The following CACNA1I variants were observed in gnomAD, a reference collection of about 807,000 sequenced individuals.
CACNA1I encodes calcium voltage-gated channel subunit alpha1 I, also known as voltage-dependent T-type calcium channel subunit alpha-1I.
Under a neutral mutation model 201.6 loss-of-function variants are expected in CACNA1I, and 74 were observed. The observed-to-expected ratio is 0.37, with a 90% CI of 0.30 to 0.45. CACNA1I has a LOEUF of 0.45. Among genes scored for constraint, CACNA1I ranks in the 20% least tolerant of loss-of-function variants. CACNA1I has a pLI of 1.00. For synonymous variants in CACNA1I, 1,431 were observed against 1,345.2 expected (o/e 1.06, Z -1.40); for missense variants, 2,346 against 3,138.1 (o/e 0.75, Z 6.03).
rs1399088025 is a variant in CACNA1I at position 39,689,727 on chromosome 22, AT to A, written c.*3325del. 1 of 152,720 alleles carries A rather than the reference AT, an allele frequency of 6.5e-6. No homozygotes were observed. Among genetic ancestry groups the A allele is most frequent in the Non-Finnish European group, 1.5e-5 (1 of 68,076 alleles). 9.5% of individuals were successfully genotyped at this position (152,720 alleles called of 1,614,324 possible). A position where few individuals can be genotyped will look rare whatever the true frequency, so the allele number is the denominator to read the frequency against. The stretch of plus-strand genomic sequence containing the variant: ...GTTTTGAATAAAAGCCCAGAAGCCT[AT>A]TTAAGAATTTCTCCGTGTGTCTCTG... On this transcript the variant is annotated 3_prime_UTR_variant, in exon 37 of 37. Transcript: ENST00000402142.
intron 5 of CACNA1I, among the ~76,000 whole-genome samples, chr22:39,638,886 T>C (rs1934287629): frequency 6.6e-6 from 1 of 152,172 alleles, no homozygotes; most frequent in South Asian, 2.1e-4. Flanking sequence ...CCTAGATCTC[T>C]TGAGTGTGAA....
Position 39,647,862 on chromosome 22 carries a change from C to G in CACNA1I, c.1503C>G (p.Leu501=). 6.2e-7 allele frequency: 1 copy of G among 1,613,400 alleles called. No individual in the cohort carries two copies. Residue 501 remains leucine (L), a synonymous_variant, in exon 9 of 37, where the codon CTC becomes CTG. Transcript: ENST00000402142. ...GTCAGGGAGATGAAGGGAGACATCT[C>G]GGAAGCCGGCATTGCCAGACTTTGC... The part of the protein sequence containing the change: ...TKGQGDEGRH[L]GSRHCQTLHG...
intron 3 of CACNA1I, among the ~76,000 whole-genome samples, chr22:39,614,986 G>A (rs1347904776): frequency 2.6e-5 from 4 of 152,214 alleles, no homozygotes; most frequent in Non-Finnish European, 2.9e-5. Flanking sequence ...CTGAAGTTGC[G>A]TGAGAAAGTA....
chr22:39,601,827 T>C (rs1221799423), intron 3 of CACNA1I, among the ~76,000 whole-genome samples: 1 of 73,084 alleles, frequency 1.4e-5, no homozygotes, highest in Non-Finnish European at 3.6e-5. Context: ...CTTTCTCTCC[T>C]TCCTTCCTTC....
rs1312393022 is a variant in CACNA1I, at chr22:39,648,053, G to A, written c.1567+127G>A. On this transcript the variant is annotated intron_variant, in intron 9 of 36. Coordinates refer to ENST00000402142, the MANE Select transcript of CACNA1I (RefSeq NM_021096.4). This position sits in a 1 kb window ranked among gnomAD's most constrained non-coding sequence, Gnocchi z 5.4. ...AGCAGCCGCGACCCTCTGCAGGCCT[G>A]TCTCCCTCTATAAAGTGAGGACAGG... 1 of 797,634 alleles carries A rather than the reference G, an allele frequency of 1.3e-6. No homozygotes were observed. The highest frequency in any genetic ancestry group is 1.7e-5 in the African/African-American group (1 of 58,188). The allele number at this position is 797,634 out of a possible 1,614,324, so 49.4% of individuals were successfully genotyped here.
intron 29 of CACNA1I, among the ~76,000 whole-genome samples, chr22:39,674,707 C>T (rs1009547695): frequency 1.3e-5 from 2 of 151,704 alleles, no homozygotes; most frequent in Non-Finnish European, 2.9e-5. Context: ...TTCCCCCTCC[C>T]CTCAGGGTGG....
At chr22:39,601,607 T>G (rs1350645965) in intron 3 of CACNA1I, among the ~76,000 whole-genome samples, 5 of 151,990 alleles carry the variant, frequency 3.3e-5, no homozygotes, top group African/African-American at 1.2e-4. Flanking sequence ...TGTCAGTGTA[T>G]GTGTGTATGT....
In CACNA1I at chr22:39,576,735, T is replaced by C. The variant is rs79085286; in HGVS notation, c.236+5747T>C. ...CGCCCTCGTCTCCCTGTCTGTGGGA[T>C]GGGGAAAGTTGGGCACCAGGTCTGG... On this transcript the variant is annotated intron_variant, in intron 1 of 36. Transcript: ENST00000402142. Among the ~76,000 whole-genome samples the C allele has an allele frequency of 1.6e-3, 250 of 152,294 alleles. 1 individual carries two copies. Among genetic ancestry groups the C allele is most frequent in the Non-Finnish European group, 2.7e-3 (182 of 68,014 alleles).
Position 39,664,721 on chromosome 22 carries a change from GCCCCAC to G in CACNA1I, c.3667-13_3667-8del. The G allele has an allele frequency of 8.4e-7, 1 of 1,186,998 alleles. No homozygotes were observed. The highest frequency in any genetic ancestry group is 1.1e-6 in the Non-Finnish European group (1 of 873,542). The allele number at this position is 1,186,998 out of a possible 1,614,324, so 73.5% of individuals were successfully genotyped here. ...CCCCTCCCGCGGCAGCCTGACCCCG[GCCCCAC>G]CCCCGCCCCAGGTAGTCTCGCTGGG... is the stretch of plus-strand genomic sequence containing the variant. On this transcript the variant is annotated splice_polypyrimidine_tract_variant and intron_variant, in intron 20 of 36. Coordinates refer to ENST00000402142, the MANE Select transcript of CACNA1I (RefSeq NM_021096.4).
chr22:39,615,073 G>A (rs1933492755), intron 3 of CACNA1I, among the ~76,000 whole-genome samples: 1 of 152,224 alleles, frequency 6.6e-6, no homozygotes. Context: ...CAGCCCACAA[G>A]GCGGCCCTTC....
At chr22:39,604,184 C>T (rs1467231435) in intron 3 of CACNA1I, among the ~76,000 whole-genome samples, 2 of 152,214 alleles carry the variant, frequency 1.3e-5, no homozygotes, top group Non-Finnish European at 2.9e-5. Context: ...GGCACCCCCA[C>T]GCTGCCCTTT....
Position 39,682,616 on chromosome 22 carries a change from C to G in CACNA1I, c.5785C>G (p.Pro1929Ala), listed in dbSNP as rs1935738855. Residue 1929 changes from proline to alanine, a missense_variant, in exon 35 of 37, where the codon CCA becomes GCA. Around this residue, in one of 13 missense-constraint regions of CACNA1I, gnomAD observed 441 missense variants for 555.6 expected, o/e 0.79. Coordinates refer to ENST00000402142, the MANE Select transcript of CACNA1I (RefSeq NM_021096.4). Reference protein sequence around the residue: ...ENFLCEMEEIPFNPVRSWLKH... With the variant: ...ENFLCEMEEIAFNPVRSWLKH... ...CTTCCTGTGTGAGATGGAGGAGATC[C>G]CATTCAACCCTGTCCGGTCCTGGCT... 8.1e-6 allele frequency: 13 copies of G among 1,613,468 alleles called. No individual in the cohort carries two copies. The East Asian group carries it at 2.9e-4, about 36-fold the overall frequency.
At position 39,679,388 on chromosome 22, in the gene CACNA1I, G is replaced by A. The variant is rs745557985; in HGVS notation, c.5337G>A (p.Ala1779=). ...CCCCTGGCCGAGGGCCGGGAGGGGC[G>A]GGCGGCGGGGGCGACACCGAGGGCG... ...PGAPGRGPGG[A]GGGGDTEGGL... is the part of the protein sequence containing the mutation. Residue 1779 remains alanine, a synonymous_variant, in exon 32 of 37, where the codon GCG becomes GCA. Transcript: ENST00000402142. 2.1e-5 allele frequency: 32 copies of A among 1,488,516 alleles called. No individual in the cohort carries two copies. The highest frequency in any genetic ancestry group is 2.5e-5 in the Non-Finnish European group (28 of 1,128,038). 92.2% of individuals were successfully genotyped at this position (1,488,516 alleles called of 1,614,324 possible).
At chr22:39,660,298 A>T in intron 14 of CACNA1I, 46 bp from the exon 15 acceptor site, 1 of 1,426,692 alleles carries the variant, frequency 7.0e-7, no homozygotes. Context: ...CTGGGAAGGG[A>T]GGAGCTGGAC....
chr22:39,628,679 A>G (rs1933964389), intron 4 of CACNA1I, among the ~76,000 whole-genome samples: 1 of 151,984 alleles, frequency 6.6e-6, no homozygotes. Context: ...CTGCCTGGCC[A>G]GGCCTCTTGG....
chr22:39,679,629 C>A, intron 32 of CACNA1I, 93 bp from the exon 33 acceptor site: 6 of 1,303,834 alleles, frequency 4.6e-6, no homozygotes, highest in South Asian at 1.4e-5. Flanking sequence ...GCGCAGAGAA[C>A]CAACCGGGAG....
chr22:39,579,648 CT>C (rs132569), intron 1 of CACNA1I, among the ~76,000 whole-genome samples: 76,074 of 141,898 alleles, frequency 0.54, 21,388 homozygotes, highest in African/African-American at 0.7. Context: ...CTTTCAAGCT[CT>C]TTTTTTTTTT....
chr22:39,605,242 G>A (rs1933185708), intron 3 of CACNA1I, among the ~76,000 whole-genome samples: 1 of 152,124 alleles, frequency 6.6e-6, no homozygotes, highest in Non-Finnish European at 1.5e-5. Context: ...TAGCACCTCC[G>A]AGTTAGAAGG....
intron 1 of CACNA1I, among the ~76,000 whole-genome samples, chr22:39,584,777 A>G (rs2145809254): frequency 6.6e-6 from 1 of 152,226 alleles, no homozygotes; most frequent in East Asian, 1.9e-4. Flanking sequence ...TCTGTTATGG[A>G]TGGAGGAAAC....
Sources: allele counts gnomAD v4.1 joint callset (sites outside exome capture counted in the v4.1 genomes callset), GRCh38; gene constraint gnomAD v4.1.1; regional missense constraint gnomAD v4.1.1; non-coding constraint Gnocchi (gnomAD v3.1); transcripts MANE v1.5; gene names NCBI Gene and HGNC (gene_info 2026-07-23, HGNC 2026-07-21).